The following CSMD1 variants were observed in gnomAD, a reference collection of about 807,000 sequenced individuals.
CSMD1 encodes the protein CUB and sushi domain-containing protein 1.
Under a neutral mutation model 417.5 loss-of-function variants are expected in CSMD1, and 213 were observed. The observed-to-expected ratio is 0.51, with a 90% CI of 0.46 to 0.57. The LOEUF is 0.57. Ranked by LOEUF, CSMD1 falls within the 20% of genes least tolerant of loss-of-function variation. The pLI is 0.00. For missense variants in CSMD1, 6,923 were observed against 4,529.7 expected (o/e 1.53, Z -15.17); for synonymous variants, 2,862 against 1,736.8 (o/e 1.65, Z -16.11).
chr8:3,275,574 C>G (rs903779044), intron 26 of CSMD1, among the ~76,000 whole-genome samples: 1 of 152,194 alleles, frequency 6.6e-6, no homozygotes. Flanking sequence ...GACAATCAGA[C>G]GTAGATTCAG....
rs532839187 is a variant in CSMD1, at chr8:4,783,496, C to A, written c.86-145938G>T. 5.3e-5 allele frequency among the ~76,000 whole-genome samples: 8 copies of A among 152,322 alleles called. No individual in the cohort carries two copies. In the South Asian group the frequency reaches 1.4e-3, roughly 28 times the overall value. On this transcript the variant is annotated intron_variant, in intron 1 of 69. Transcript: ENST00000635120. ...TCCAAGATTAAACCGGAAGTATTGT[C>A]ATTAAATAAAGAAAAACATTAAAAC...
At chr8:3,723,338 A>G (rs1802294164) in intron 6 of CSMD1, among the ~76,000 whole-genome samples, 1 of 152,160 alleles carries the variant, frequency 6.6e-6, no homozygotes, top group African/African-American at 2.4e-5. Context: ...TGATTAGGTC[A>G]GGGCCGCTGA....
At chr8:3,409,652 A>C (rs759813280) in intron 12 of CSMD1, 47 bp from the exon 13 acceptor site, 3 of 1,434,950 alleles carry the variant, frequency 2.1e-6, no homozygotes, top group Non-Finnish European at 2.8e-6. Context: ...ACACACAAGG[A>C]ATATTTTTAT....
At chr8:3,636,654 T>A (rs749116863) in intron 7 of CSMD1, among the ~76,000 whole-genome samples, 1 of 152,202 alleles carries the variant, frequency 6.6e-6, no homozygotes, top group East Asian at 1.9e-4. Flanking sequence ...GACGCAGAGA[T>A]GCTCTTCTCC....
intron 69 of CSMD1, 21 bp downstream of exon 69, chr8:2,942,451 C>T: frequency 6.2e-7 from 1 of 1,604,162 alleles, no homozygotes; most frequent in Non-Finnish European, 8.5e-7. Context: ...CATTCTCAAA[C>T]AGATGGTGTT....
At chr8:3,763,642 G>C (rs1044417774) in intron 5 of CSMD1, among the ~76,000 whole-genome samples, 3 of 152,142 alleles carry the variant, frequency 2.0e-5, no homozygotes, top group Non-Finnish European at 2.9e-5. Flanking sequence ...CCAGTCTCAA[G>C]TATTCCTATA....
chr8:3,545,569 T>C (rs1798623482), intron 10 of CSMD1, among the ~76,000 whole-genome samples: 1 of 151,088 alleles, frequency 6.6e-6, no homozygotes, highest in African/African-American at 2.5e-5. Flanking sequence ...AAATGAATCC[T>C]GTCTTTACCA....
intron 3 of CSMD1, among the ~76,000 whole-genome samples, chr8:4,183,034 C>T (rs148824085): frequency 5.9e-5 from 9 of 152,228 alleles, no homozygotes; most frequent in African/African-American, 1.9e-4. Flanking sequence ...AGAAAGTACA[C>T]GTGATTGTGT....
chr8:4,374,958 G>C (rs1802631019), intron 3 of CSMD1, among the ~76,000 whole-genome samples: 2 of 62,748 alleles, frequency 3.2e-5, no homozygotes, highest in Non-Finnish European at 6.0e-5. Flanking sequence ...GACAAAGGTG[G>C]GGTGGGGGGG....
At chr8:4,254,380 G>A (rs545699292) in intron 3 of CSMD1, among the ~76,000 whole-genome samples, 3 of 152,286 alleles carry the variant, frequency 2.0e-5, no homozygotes, top group South Asian at 4.1e-4. Flanking sequence ...GCTGCATGAC[G>A]ATGTCTCAGT....
chr8:4,762,107 C>A (rs1323646703), intron 1 of CSMD1, among the ~76,000 whole-genome samples: 2 of 151,888 alleles, frequency 1.3e-5, no homozygotes, highest in Non-Finnish European at 2.9e-5. Context: ...ACTCAATTTC[C>A]CCTATAAAAT....
intron 10 of CSMD1, among the ~76,000 whole-genome samples, chr8:3,540,823 C>G (rs1282544988): frequency 1.3e-5 from 2 of 152,086 alleles, no homozygotes; most frequent in African/African-American, 4.8e-5. Flanking sequence ...AAATCAAAAC[C>G]ACAATGAGAT....
At chr8:4,954,272 A>T (rs1027469097) in intron 1 of CSMD1, among the ~76,000 whole-genome samples, 1 of 152,208 alleles carries the variant, frequency 6.6e-6, no homozygotes, top group Non-Finnish European at 1.5e-5. Flanking sequence ...ATATGGTGTG[A>T]TAAGTGTTAC....
intron 15 of CSMD1, among the ~76,000 whole-genome samples, chr8:3,404,700 A>C (rs1812240627): frequency 6.6e-6 from 1 of 152,158 alleles, no homozygotes; most frequent in African/African-American, 2.4e-5. Flanking sequence ...CATAATTAAC[A>C]TTTTGGTGTG....
At position 4,216,202 on chromosome 8, in the gene CSMD1, G is replaced by A. The variant is rs932614138; in HGVS notation, c.416-184103C>T. 3.9e-5 allele frequency among the ~76,000 whole-genome samples: 6 copies of A among 152,164 alleles called. No individual in the cohort carries two copies. In the East Asian group the frequency reaches 1.2e-3, roughly 29 times the overall value. On this transcript the variant is annotated intron_variant, in intron 3 of 69. Coordinates refer to ENST00000635120, the MANE Select transcript of CSMD1 (RefSeq NM_033225.6). ...CTTGTGGCTTTGTCAACATTGCGAT[G>A]GCCTTCTTCCTTCCCTGTTCCTGCA...
At chr8:4,011,324 C>G (rs192732819) in intron 4 of CSMD1, among the ~76,000 whole-genome samples, 46 of 152,248 alleles carry the variant, frequency 3.0e-4, no homozygotes, top group African/African-American at 1.1e-3. Flanking sequence ...TAACCGTGCT[C>G]CAATTGCCCC....
rs1473712414 is a variant in CSMD1, at chr8:3,795,092, TATATCTATCATGTACAGCTATAG to T, written c.819-41073_819-41051del. ...TATCTATCATGTACAGCTATAGATA[TATATCTATCATGTACAGCTATAG>T]ATATCTATCATGTACAGCTATAGAT... is the stretch of plus-strand genomic sequence containing the variant. On this transcript the variant is annotated intron_variant, in intron 5 of 69. Transcript: ENST00000635120. 7.0e-4 allele frequency among the ~76,000 whole-genome samples: 59 copies of T among 84,430 alleles called. 1 individual carries two copies. The highest frequency in any genetic ancestry group is 2.3e-3 in the African/African-American group (49 of 21,674). The allele number at this position is 84,430 out of a possible 152,430, so 55.4% of individuals were successfully genotyped here.
chr8:4,898,837 A>G (rs1397736558), intron 1 of CSMD1, among the ~76,000 whole-genome samples: 1 of 152,202 alleles, frequency 6.6e-6, no homozygotes, highest in Non-Finnish European at 1.5e-5. Flanking sequence ...TTGTGGCAGG[A>G]CAGAAATGAC....
At chr8:3,637,559 A>AT (rs564366044) in intron 7 of CSMD1, among the ~76,000 whole-genome samples, 33 of 152,196 alleles carry the variant, frequency 2.2e-4, no homozygotes, top group African/African-American at 5.5e-4. Context: ...CTTTTTTCCT[A>AT]TTTTTTAATA....
Sources: gnomAD v4.1 joint callset for allele counts (sites outside exome capture counted in the v4.1 genomes callset) on GRCh38, gnomAD v4.1.1 for gene constraint, MANE v1.5 for transcripts, NCBI Gene and HGNC (gene_info 2026-07-23, HGNC 2026-07-21) for gene names.